STK32B: variants seen among roughly 807,000 people sequenced by gnomAD.
STK32B encodes serine/threonine kinase 32B, also known as serine/threonine-protein kinase 32B.
STK32B carries 43 observed loss-of-function variants against 52.6 expected under a neutral mutation model. The observed-to-expected ratio is 0.82, with a 90% CI of 0.64 to 1.05. STK32B has a LOEUF of 1.05. Ranked by LOEUF, STK32B falls within the 50% of genes least tolerant of loss-of-function variation. The pLI is 0.00. For missense variants in STK32B, 621 were observed against 534.6 expected, an observed-to-expected ratio of 1.16 and a Z score of -1.59; for synonymous variants, 238 against 204.3, an observed-to-expected ratio of 1.17 and a Z score of -1.41.
At chr4:5,128,125 A>G (rs1001323362) in intron 1 of STK32B, among the ~76,000 whole-genome samples, 3 of 152,208 alleles carry the variant, frequency 2.0e-5, no homozygotes, top group Admixed American at 6.5e-5. Flanking sequence ...CAGAAGCCAG[A>G]AGAGACAAGG....
At position 5,317,722 on chromosome 4, in the gene STK32B, CT is replaced by C. The variant is rs549383969; in HGVS notation, c.261-13496del. ...GCTCCTATTCTTGTTTGGGAGGCTT[CT>C]TGGAGAAGGTGACAAGTGATTTCCT... On this transcript the variant is annotated intron_variant, in intron 3 of 11. Coordinates refer to ENST00000282908, the MANE Select transcript of STK32B (RefSeq NM_018401.3). 6.0e-5 allele frequency among the ~76,000 whole-genome samples: 9 copies of C among 150,100 alleles called. No individual in the cohort carries two copies. The South Asian group carries it at 1.7e-3, about 28-fold the overall frequency.
At chr4:5,444,556 C>G (rs933758122) in intron 6 of STK32B, among the ~76,000 whole-genome samples, 2 of 152,208 alleles carry the variant, frequency 1.3e-5, no homozygotes, top group Admixed American at 6.5e-5. Flanking sequence ...AGAAATCACC[C>G]GTCTTCTGCG....
At chr4:5,244,163 C>T (rs1042663109) in intron 3 of STK32B, among the ~76,000 whole-genome samples, 2 of 152,128 alleles carry the variant, frequency 1.3e-5, no homozygotes, top group African/African-American at 4.8e-5. Context: ...GGTACCAGTT[C>T]CTCCGTGTAC....
At chr4:5,218,840 C>A (rs1234393491) in intron 3 of STK32B, among the ~76,000 whole-genome samples, 1 of 152,224 alleles carries the variant, frequency 6.6e-6, no homozygotes, top group South Asian at 2.1e-4. Flanking sequence ...CACGTGGCTT[C>A]TGGCTCTCCC....
intron 4 of STK32B, among the ~76,000 whole-genome samples, chr4:5,364,609 C>CT (rs1305891610): frequency 3.9e-5 from 6 of 152,204 alleles, no homozygotes; most frequent in African/African-American, 1.4e-4. Context: ...AGTCACGTGA[C>CT]TATCCCTGAA....
chr4:5,304,110 G>A (rs969631727), intron 3 of STK32B, among the ~76,000 whole-genome samples: 1 of 152,028 alleles, frequency 6.6e-6, no homozygotes, highest in African/African-American at 2.4e-5. Context: ...GTCAGATAAT[G>A]CAGTGCCTCC....
At chr4:5,461,742 C>T (rs913611092) in intron 9 of STK32B, among the ~76,000 whole-genome samples, 3 of 152,212 alleles carry the variant, frequency 2.0e-5, no homozygotes, top group Non-Finnish European at 2.9e-5. Flanking sequence ...AATGGCAGGT[C>T]GCACAGGGCT....
rs187643058 is a variant in STK32B, at chr4:5,065,080, T to A, written c.52+13165T>A. On this transcript the variant is annotated intron_variant, in intron 1 of 11. Transcript: ENST00000282908. ...GTTCAAGACTGAGCAATTGGACCTC[T>A]TACTTAGCTTTTTGTACTATCTCCC... is the stretch of plus-strand genomic sequence containing the variant. Among the ~76,000 whole-genome samples the A allele has an allele frequency of 3.9e-3, 593 of 152,088 alleles. 8 individuals are homozygous for A. The highest frequency in any genetic ancestry group is 0.014 in the African/African-American group (573 of 41,470).
At chr4:5,310,872 T>C (rs944701270) in intron 3 of STK32B, among the ~76,000 whole-genome samples, 1 of 152,146 alleles carries the variant, frequency 6.6e-6, no homozygotes, top group African/African-American at 2.4e-5. Context: ...AAAAATGAAA[T>C]TCTGTCGTTC....
In STK32B at chr4:5,249,493, TCCTTCCTTCCTC is replaced by T. The variant is rs1404206821; in HGVS notation, c.260+81047_260+81058del. Among the ~76,000 whole-genome samples, 753 of 121,960 alleles carry T rather than the reference TCCTTCCTTCCTC, an allele frequency of 6.2e-3. 9 individuals carry two copies. The East Asian group carries it at 0.07, about 11-fold the overall frequency. 80.0% of individuals were successfully genotyped at this position (121,960 alleles called of 152,430 possible). On this transcript the variant is annotated intron_variant, in intron 3 of 11. Coordinates refer to ENST00000282908, the MANE Select transcript of STK32B (RefSeq NM_018401.3). ...TTCCTTCCTTCCTTCCTTCCTTCCTTCCTTCCTTCCTCCCTCCCTTCCTTTAAACTTTTCTTC... is the reference window on the plus strand; with the variant it reads ...TTCCTTCCTTCCTTCCTTCCTTCCTTCCTCCCTTCCTTTAAACTTTTCTTC...
At chr4:5,334,894 G>C (rs1013518652) in intron 4 of STK32B, among the ~76,000 whole-genome samples, 277 of 151,922 alleles carry the variant, frequency 1.8e-3, no homozygotes, top group African/African-American at 6.3e-3. Context: ...TTTTATTGAG[G>C]ATTTTTGCAT....
chr4:5,176,935 C>A (rs1006709077), intron 3 of STK32B, among the ~76,000 whole-genome samples: 2 of 152,158 alleles, frequency 1.3e-5, no homozygotes, highest in Non-Finnish European at 2.9e-5. Context: ...TTTGGAGTCA[C>A]CCCTCAGACT....
chr4:5,229,784 C>T (rs1429656320), intron 3 of STK32B, among the ~76,000 whole-genome samples: 1 of 151,868 alleles, frequency 6.6e-6, no homozygotes, highest in African/African-American at 2.4e-5. Context: ...AACTAAATGG[C>T]AAAATGTGTT....
At chr4:5,322,308 G>A (rs28480677) in intron 3 of STK32B, among the ~76,000 whole-genome samples, 8 of 152,126 alleles carry the variant, frequency 5.3e-5, no homozygotes, top group East Asian at 1.9e-4. Flanking sequence ...TTTCTGTAGC[G>A]TGTGAGGCTA....
intron 4 of STK32B, among the ~76,000 whole-genome samples, chr4:5,390,735 A>C (rs557731384): frequency 6.6e-6 from 1 of 152,228 alleles, no homozygotes; most frequent in Non-Finnish European, 1.5e-5. Flanking sequence ...TTTAATCAAC[A>C]GAAGTGTATT....
At chr4:5,035,761 G>T in the STK32B span, among the ~76,000 whole-genome samples, 5 of 151,952 alleles carry the variant, frequency 3.3e-5, no homozygotes, top group African/African-American at 1.2e-4. Context: ...CATCAGAAAT[G>T]CAAATTAAAG....
At chr4:5,494,836 G>C (rs886519118) in intron 11 of STK32B, among the ~76,000 whole-genome samples, 1 of 152,214 alleles carries the variant, frequency 6.6e-6, no homozygotes, top group Non-Finnish European at 1.5e-5. Context: ...CACTTTTGAA[G>C]CTTAGTTTGG....
intron 2 of STK32B, among the ~76,000 whole-genome samples, chr4:5,165,927 T>G (rs1718836040): frequency 6.6e-6 from 1 of 152,192 alleles, no homozygotes; most frequent in South Asian, 2.1e-4. Flanking sequence ...CAGTGCCGCC[T>G]GGCACTCCCA....
the STK32B span, among the ~76,000 whole-genome samples, chr4:5,027,636 T>C: frequency 6.7e-6 from 1 of 150,254 alleles, no homozygotes; most frequent in African/African-American, 2.4e-5. Flanking sequence ...ACTGTGGTTT[T>C]GGTTTTTGTT....
Sources: gnomAD v4.1 joint callset for allele counts (sites outside exome capture counted in the v4.1 genomes callset) on GRCh38, gnomAD v4.1.1 for gene constraint, MANE v1.5 for transcripts, NCBI Gene and HGNC (gene_info 2026-07-23, HGNC 2026-07-21) for gene names.